Variants in UBE2D2 observed in about 807,000 individuals in gnomAD.
The protein encoded by UBE2D2 is ubiquitin-conjugating enzyme E2 D2.
Under a neutral mutation model 24.2 loss-of-function variants are expected in UBE2D2, and 2 were observed. The ratio of observed to expected loss-of-function variants is 0.08; its 90% CI spans 0.03 to 0.26. UBE2D2 has a LOEUF of 0.26. Among genes scored for constraint, UBE2D2 ranks in the 10% least tolerant of loss-of-function variants. UBE2D2 has a pLI of 1.00. For synonymous variants in UBE2D2, 58 were observed against 56.5 expected, an observed-to-expected ratio of 1.03 and a Z score of -0.12; for missense variants, 44 against 177.6, an observed-to-expected ratio of 0.25 and a Z score of 4.28.
chr5:139,582,648 G>A (rs926084960), intron 1 of UBE2D2, among the ~76,000 whole-genome samples: 12 of 150,296 alleles, frequency 8.0e-5, no homozygotes, highest in Admixed American at 1.3e-4. Flanking sequence ...TTCAGATTTC[G>A]AAGCGATTTA....
At chr5:139,620,168 G>A (rs1187784789) in intron 5 of UBE2D2, among the ~76,000 whole-genome samples, 2 of 152,066 alleles carry the variant, frequency 1.3e-5, no homozygotes. Flanking sequence ...TCCAACGTTG[G>A]GGATTACAGT....
At chr5:139,550,129 A>C (rs774345961) in intron 1 of UBE2D2, among the ~76,000 whole-genome samples, 43 of 151,148 alleles carry the variant, frequency 2.8e-4, no homozygotes, top group Non-Finnish European at 4.9e-4. Flanking sequence ...AAGGATTGTA[A>C]ATACACCAAT....
intron 1 of UBE2D2, among the ~76,000 whole-genome samples, chr5:139,593,932 A>G (rs776703052): frequency 1.8e-4 from 27 of 152,174 alleles, no homozygotes; most frequent in Non-Finnish European, 3.2e-4. Flanking sequence ...TTACAATGCT[A>G]TGAATCATAA....
intron 1 of UBE2D2, among the ~76,000 whole-genome samples, chr5:139,543,304 T>C (rs972727445): frequency 2.0e-5 from 3 of 152,208 alleles, no homozygotes; most frequent in Non-Finnish European, 4.4e-5. Context: ...GGAGAACATA[T>C]ACCCTACATT....
intron 1 of UBE2D2, among the ~76,000 whole-genome samples, chr5:139,563,967 A>G (rs1165885062): frequency 6.6e-6 from 1 of 152,110 alleles, no homozygotes; most frequent in Non-Finnish European, 1.5e-5. Context: ...TAATCTCTAC[A>G]TTGAATTATA....
chr5:139,535,385 G>T (rs547415306), intron 1 of UBE2D2, among the ~76,000 whole-genome samples: 1 of 152,228 alleles, frequency 6.6e-6, no homozygotes, highest in Non-Finnish European at 1.5e-5. Context: ...GAACCTGGGA[G>T]GCAGAGGTTG....
At chr5:139,548,193 A>AATAAAAAT in intron 1 of UBE2D2, among the ~76,000 whole-genome samples, 1 of 47,116 alleles carries the variant, frequency 2.1e-5, no homozygotes, top group East Asian at 6.6e-4. Context: ...ATAAAAAAAA[A>AATAAAAAT]AAATAAATAA....
At chr5:139,550,963 G>GT (rs770762453) in intron 1 of UBE2D2, among the ~76,000 whole-genome samples, 24 of 152,106 alleles carry the variant, frequency 1.6e-4, no homozygotes, top group Non-Finnish European at 2.9e-4. Flanking sequence ...ATACACCACA[G>GT]TATCATTGTA....
At chr5:139,535,117 G>T (rs1207735463) in intron 1 of UBE2D2, among the ~76,000 whole-genome samples, 1 of 151,464 alleles carries the variant, frequency 6.6e-6, no homozygotes, top group African/African-American at 2.4e-5. Flanking sequence ...GCTCCAGCCT[G>T]GGTGACAAAG....
At chr5:139,529,729 C>T (rs1489480342) in intron 1 of UBE2D2, among the ~76,000 whole-genome samples, 1 of 152,152 alleles carries the variant, frequency 6.6e-6, no homozygotes, top group African/African-American at 2.4e-5. Context: ...CAAAAACGCT[C>T]TCCAGAACCA....
chr5:139,571,426 AACAC>A (rs1206833962), intron 1 of UBE2D2, among the ~76,000 whole-genome samples: 6 of 151,786 alleles, frequency 4.0e-5, no homozygotes, highest in Non-Finnish European at 5.9e-5. Context: ...AAAAAAAACA[AACAC>A]AGATTTCAGC....
chr5:139,590,917 C>T (rs552795760), intron 1 of UBE2D2, among the ~76,000 whole-genome samples: 38 of 149,618 alleles, frequency 2.5e-4, no homozygotes, highest in Middle Eastern at 3.4e-3. Flanking sequence ...GCCTCAGCCT[C>T]CTGAATAGCT....
chr5:139,595,910 T>C (rs1266782803), intron 1 of UBE2D2, among the ~76,000 whole-genome samples: 4 of 143,712 alleles, frequency 2.8e-5, no homozygotes, highest in Non-Finnish European at 6.1e-5. Context: ...TTTTTTTTTT[T>C]TGAGACAGAG....
chr5:139,588,633 T>C (rs1335430892), intron 1 of UBE2D2, among the ~76,000 whole-genome samples: 1 of 152,182 alleles, frequency 6.6e-6, no homozygotes, highest in East Asian at 1.9e-4. Context: ...GGGATAGGCT[T>C]CATGAGAAAA....
upstream of UBE2D2, among the ~76,000 whole-genome samples, chr5:139,557,790 G>A (rs1043181219): frequency 6.6e-6 from 1 of 151,902 alleles, no homozygotes; most frequent in African/African-American, 2.4e-5. Context: ...CATGAACACA[G>A]ATGCAAAAAT....
intron 1 of UBE2D2, among the ~76,000 whole-genome samples, chr5:139,554,279 C>T (rs911175166): frequency 3.3e-5 from 5 of 152,116 alleles, no homozygotes; most frequent in Admixed American, 2.0e-4. Context: ...GGTGATCCTC[C>T]CACCTCAGCC....
chr5:139,623,411 T>C lies in UBE2D2; in HGVS notation c.348T>C (p.Asp116=), dbSNP rs1227936937. 6.2e-7 allele frequency: 1 copy of C among 1,605,186 alleles called. No individual in the cohort carries two copies. Among genetic ancestry groups the C allele is most frequent in the Non-Finnish European group, 8.5e-7 (1 of 1,173,222 alleles). Residue 116 remains aspartate (D), a synonymous_variant, in exon 6 of 7, where the codon GAT becomes GAC. Coordinates refer to ENST00000398733, the MANE Select transcript of UBE2D2 (RefSeq NM_003339.3). ...ICSLLCDPNP[D]DPLVPEIARI... Reference sequence around the variant, plus strand: ...CTCTGTTGTGTGATCCCAATCCAGATGATCCTTTAGTGCCTGAGATTGCTC... The same window carrying C: ...CTCTGTTGTGTGATCCCAATCCAGACGATCCTTTAGTGCCTGAGATTGCTC...
intron 1 of UBE2D2, among the ~76,000 whole-genome samples, chr5:139,552,388 G>A (rs1293150427): frequency 2.0e-5 from 3 of 151,836 alleles, no homozygotes; most frequent in Non-Finnish European, 2.9e-5. Flanking sequence ...GGCTGGTCTC[G>A]AACTCCTGAC....
intron 5 of UBE2D2, among the ~76,000 whole-genome samples, chr5:139,617,145 T>C (rs1002606125): frequency 1.3e-5 from 2 of 151,172 alleles, no homozygotes; most frequent in Non-Finnish European, 2.9e-5. Flanking sequence ...ATGGTACCAT[T>C]GCACTCTAGC....
Sources: gnomAD v4.1 joint callset for allele counts (sites outside exome capture counted in the v4.1 genomes callset) on GRCh38, gnomAD v4.1.1 for gene constraint, MANE v1.5 for transcripts, NCBI Gene and HGNC (gene_info 2026-07-23, HGNC 2026-07-21) for gene names.